BMAL2: variants seen among roughly 807,000 people sequenced by gnomAD.
BMAL2 encodes basic helix-loop-helix ARNT like 2, also known as basic helix-loop-helix ARNT-like protein 2.
the BMAL2 span, among the ~76,000 whole-genome samples, chr12:27,367,334 C>G: frequency 6.6e-6 from 1 of 152,170 alleles, no homozygotes; most frequent in South Asian, 2.1e-4. Context: ...CTACTCAGAA[C>G]CGTGTGCAGT....
the BMAL2 span, chr12:27,389,043 T>G: frequency 9.9e-6 from 7 of 705,740 alleles, no homozygotes; most frequent in East Asian, 1.8e-4. Context: ...TAAGTTCATG[T>G]CACACAGTGT....
the BMAL2 span, among the ~76,000 whole-genome samples, chr12:27,407,618 C>T: frequency 3.6e-4 from 55 of 152,118 alleles, no homozygotes; most frequent in Non-Finnish European, 5.9e-4. Context: ...ATTTATAGCA[C>T]TAAATGCCCA....
At chr12:27,422,373 C>G in the BMAL2 span, 1 of 152,088 alleles carries the variant, frequency 6.6e-6, no homozygotes, top group Non-Finnish European at 1.5e-5. Flanking sequence ...TTATTTTGAC[C>G]CTGCATGCTA....
the BMAL2 span, among the ~76,000 whole-genome samples, chr12:27,346,501 G>A: frequency 6.6e-6 from 1 of 150,892 alleles, no homozygotes; most frequent in South Asian, 2.1e-4. Flanking sequence ...GACCTCAGGT[G>A]ATCCACCCAC....
chr12:27,410,334 G>T, the BMAL2 span, among the ~76,000 whole-genome samples: 6 of 152,256 alleles, frequency 3.9e-5, no homozygotes, highest in South Asian at 2.1e-4. Context: ...AGCAGAGACT[G>T]GGAACCAAGC....
chr12:27,381,611 A>G, the BMAL2 span, among the ~76,000 whole-genome samples: 1 of 152,204 alleles, frequency 6.6e-6, no homozygotes, highest in Non-Finnish European at 1.5e-5. Context: ...CCCCACCTCC[A>G]GCACTGGGGA....
chr12:27,425,078 T>G, the BMAL2 span: 1 of 152,338 alleles, frequency 6.6e-6, no homozygotes, highest in African/African-American at 2.4e-5. Flanking sequence ...TGAACTCACT[T>G]GAGAGTGTAT....
chr12:27,422,328 A>G, the BMAL2 span: 2 of 152,198 alleles, frequency 1.3e-5, no homozygotes, highest in African/African-American at 4.8e-5. Flanking sequence ...TCTTTCCAGA[A>G]AATTTCCCTC....
chr12:27,352,758 A>G, the BMAL2 span, among the ~76,000 whole-genome samples: 2 of 152,226 alleles, frequency 1.3e-5, no homozygotes, highest in Non-Finnish European at 2.9e-5. Flanking sequence ...AGGATACAAA[A>G]TAAATGTACA....
At chr12:27,389,340 A>G in the BMAL2 span, 1 of 1,309,952 alleles carries the variant, frequency 7.6e-7, no homozygotes, top group Non-Finnish European at 1.1e-6. Context: ...TGTAAATGTA[A>G]TGATCACCTA....
chr12:27,406,203 G>C, the BMAL2 span, among the ~76,000 whole-genome samples: 2 of 152,196 alleles, frequency 1.3e-5, no homozygotes, highest in Non-Finnish European at 2.9e-5. Context: ...CCCCAATCTA[G>C]CAAGGCAGGC....
At chr12:27,405,465 G>A in the BMAL2 span, among the ~76,000 whole-genome samples, 8,447 of 152,260 alleles carry the variant, frequency 0.055, 278 homozygotes, top group African/African-American at 0.076. Context: ...TGCAGCCTCC[G>A]CTGCTGATAC....
chr12:27,346,773 G>A, the BMAL2 span, among the ~76,000 whole-genome samples: 1 of 152,266 alleles, frequency 6.6e-6, no homozygotes, highest in East Asian at 1.9e-4. Context: ...TGGTTCGGAT[G>A]TTTGCCCCCT....
the BMAL2 span, among the ~76,000 whole-genome samples, chr12:27,409,358 C>T: frequency 6.6e-6 from 1 of 152,186 alleles, no homozygotes; most frequent in African/African-American, 2.4e-5. Context: ...TACAAAGCTA[C>T]AGTAACCAAA....
the BMAL2 span, among the ~76,000 whole-genome samples, chr12:27,357,500 A>G: frequency 6.6e-6 from 1 of 152,198 alleles, no homozygotes; most frequent in African/African-American, 2.4e-5. Flanking sequence ...TTCTTCACAG[A>G]ACTAGAAAAA....
At chr12:27,334,326 A>C in the BMAL2 span, among the ~76,000 whole-genome samples, 2 of 152,234 alleles carry the variant, frequency 1.3e-5, no homozygotes, top group South Asian at 2.1e-4. Flanking sequence ...CCCATCTGTA[A>C]AATGGAGATA....
At chr12:27,396,253 A>T in the BMAL2 span, among the ~76,000 whole-genome samples, 4 of 152,196 alleles carry the variant, frequency 2.6e-5, no homozygotes, top group African/African-American at 9.7e-5. Flanking sequence ...CTTGGCTTCT[A>T]GGAAGCACTC....
chr12:27,412,229 T>C, the BMAL2 span, among the ~76,000 whole-genome samples: 1 of 152,176 alleles, frequency 6.6e-6, no homozygotes, highest in Non-Finnish European at 1.5e-5. Flanking sequence ...TACTATTAAA[T>C]GTTCAGCATA....
the BMAL2 span, among the ~76,000 whole-genome samples, chr12:27,365,206 T>A: frequency 9.9e-5 from 15 of 152,242 alleles, no homozygotes; most frequent in African/African-American, 3.1e-4. Flanking sequence ...TTTCAATATT[T>A]CTTCACTAAT....
Sources: allele counts gnomAD v4.1 joint callset (sites outside exome capture counted in the v4.1 genomes callset), GRCh38; gene constraint gnomAD v4.1.1; transcripts MANE v1.5; gene names NCBI Gene and HGNC (gene_info 2026-07-23, HGNC 2026-07-21).